BNC2: variants seen among roughly 807,000 people sequenced by gnomAD.
BNC2 encodes the protein basonuclin zinc finger protein 2.
A neutral mutation model predicts 76.3 loss-of-function variants in BNC2; 20 were observed. The ratio of observed to expected loss-of-function variants is 0.26; its 90% CI spans 0.18 to 0.38. The LOEUF is 0.38. Among genes scored for constraint, BNC2 ranks in the 10% least tolerant of loss-of-function variants. The probability of loss-of-function intolerance (pLI) is 1.00; values close to 1 mark genes in which losing one functional copy is unlikely to be tolerated. For synonymous variants in BNC2, 582 were observed against 514.8 expected (o/e 1.13, Z -1.77); for missense variants, 1,382 against 1,399.8 (o/e 0.99, Z 0.20).
chr9:16,589,084 G>C (rs1487873699), intron 3 of BNC2, among the ~76,000 whole-genome samples: 1 of 152,040 alleles, frequency 6.6e-6, no homozygotes, highest in African/African-American at 2.4e-5. Context: ...TCTGGGTTTT[G>C]GTGTTCCACA....
chr9:16,605,993 C>T (rs1398035848), intron 3 of BNC2, among the ~76,000 whole-genome samples: 1 of 152,022 alleles, frequency 6.6e-6, no homozygotes, highest in Non-Finnish European at 1.5e-5. Flanking sequence ...ACCCACTCAC[C>T]TTGGCCTCCC....
At chr9:16,741,957 C>CAAAAAAAAAAA (rs35573018) in intron 1 of BNC2, among the ~76,000 whole-genome samples, 3 of 79,400 alleles carry the variant, frequency 3.8e-5, no homozygotes, top group Non-Finnish European at 4.5e-5. Context: ...GGCTCCATCT[C>CAAAAAAAAAAA]AAAAAAAAAA....
chr9:16,868,910 C>A (rs893246037), intron 1 of BNC2, among the ~76,000 whole-genome samples: 4 of 152,146 alleles, frequency 2.6e-5, no homozygotes, highest in Non-Finnish European at 4.4e-5. Flanking sequence ...GAAATAAATT[C>A]CTCCCATTTA....
rs186833943 is a variant in BNC2, at chr9:16,475,720, G to T, written c.670-38196C>A. Among the ~76,000 whole-genome samples the T allele has an allele frequency of 1.4e-4, 22 of 152,192 alleles. No individual in the cohort carries two copies. The East Asian group carries it at 4.2e-3, about 29-fold the overall frequency. ...CAGATTGCAGGTTGGGAATACTTTT[G>T]CCTGCAACAGAGTATGCTACAGAAG... On this transcript the variant is annotated intron_variant, in intron 5 of 6. Transcript: ENST00000380672.
intron 3 of BNC2, among the ~76,000 whole-genome samples, chr9:16,659,159 T>A (rs1047421121): frequency 6.6e-6 from 1 of 150,576 alleles, no homozygotes; most frequent in African/African-American, 2.4e-5. Flanking sequence ...GGGGGGGGCA[T>A]GTGAATGCAC....
intron 5 of BNC2, among the ~76,000 whole-genome samples, chr9:16,548,701 G>A (rs546240502): frequency 4.6e-5 from 7 of 152,228 alleles, no homozygotes; most frequent in Admixed American, 1.3e-4. Context: ...CACCACGCCT[G>A]GCCAGAATTA....
At chr9:16,464,124 A>AAAT (rs1008836397) in intron 5 of BNC2, among the ~76,000 whole-genome samples, 2 of 151,762 alleles carry the variant, frequency 1.3e-5, no homozygotes, top group Non-Finnish European at 2.9e-5. Context: ...GAAAGAAGAC[A>AAAT]AATATAAATG....
At chr9:16,425,474 G>A (rs1450257002) in intron 6 of BNC2, among the ~76,000 whole-genome samples, 1 of 152,154 alleles carries the variant, frequency 6.6e-6, no homozygotes, top group Non-Finnish European at 1.5e-5. Flanking sequence ...GTCAACAAGG[G>A]GCGATTCTCC....
chr9:16,834,079 C>G (rs1226817613), intron 1 of BNC2, among the ~76,000 whole-genome samples: 1 of 152,038 alleles, frequency 6.6e-6, no homozygotes, highest in Non-Finnish European at 1.5e-5. Context: ...CTTCTCTGAC[C>G]CCACAAACTC....
chr9:16,716,286 A>G (rs1018338017), intron 3 of BNC2, among the ~76,000 whole-genome samples: 1 of 152,216 alleles, frequency 6.6e-6, no homozygotes, highest in Non-Finnish European at 1.5e-5. Flanking sequence ...GCAAATATTC[A>G]TCTTTACTGA....
chr9:16,683,306 G>C (rs1822879658), intron 3 of BNC2, among the ~76,000 whole-genome samples: 1 of 152,228 alleles, frequency 6.6e-6, no homozygotes, highest in Non-Finnish European at 1.5e-5. Flanking sequence ...CCAGTCATGA[G>C]AACTTACGTC....
At chr9:16,816,525 TA>T (rs573243937) in intron 1 of BNC2, among the ~76,000 whole-genome samples, 110 of 152,270 alleles carry the variant, frequency 7.2e-4, no homozygotes, top group African/African-American at 2.3e-3. Context: ...ATAAAAAAGA[TA>T]TACAAAGTAT....
intron 3 of BNC2, among the ~76,000 whole-genome samples, chr9:16,617,065 C>A (rs1020183310): frequency 1.3e-5 from 2 of 152,152 alleles, no homozygotes; most frequent in African/African-American, 4.8e-5. Context: ...TGTTGGCAAT[C>A]TGGAGTAACT....
chr9:16,495,239 G>C (rs1822363111), intron 5 of BNC2, among the ~76,000 whole-genome samples: 1 of 152,132 alleles, frequency 6.6e-6, no homozygotes, highest in Non-Finnish European at 1.5e-5. Flanking sequence ...TGGCTTTCTT[G>C]GCCTAACATG....
intron 6 of BNC2, among the ~76,000 whole-genome samples, chr9:16,422,111 G>C (rs1055127044): frequency 6.6e-6 from 1 of 152,196 alleles, no homozygotes; most frequent in African/African-American, 2.4e-5. Flanking sequence ...AAGATGACTT[G>C]TGAAATTACA....
chr9:16,645,612 C>A (rs562629308), intron 3 of BNC2, among the ~76,000 whole-genome samples: 4 of 152,104 alleles, frequency 2.6e-5, no homozygotes, highest in African/African-American at 9.6e-5. Flanking sequence ...CATCCTTGTC[C>A]CATCACAGCA....
intron 3 of BNC2, among the ~76,000 whole-genome samples, chr9:16,656,459 G>C (rs1821933427): frequency 1.3e-5 from 2 of 152,104 alleles, no homozygotes; most frequent in Admixed American, 6.5e-5. Context: ...TGTTGAAAGT[G>C]GAGTCTGAAG....
chr9:16,663,628 C>T (rs1185227823), intron 3 of BNC2, among the ~76,000 whole-genome samples: 3 of 152,106 alleles, frequency 2.0e-5, no homozygotes, highest in African/African-American at 7.2e-5. Context: ...TAACTGCATT[C>T]CGGTGACTTT....
intron 1 of BNC2, among the ~76,000 whole-genome samples, chr9:16,847,085 G>A (rs1818999761): frequency 6.6e-6 from 1 of 152,154 alleles, no homozygotes; most frequent in South Asian, 2.1e-4. Context: ...GATCTCTGTA[G>A]CAGGTCCTCA....
Sources: allele counts gnomAD v4.1 joint callset (sites outside exome capture counted in the v4.1 genomes callset), GRCh38; gene constraint gnomAD v4.1.1; transcripts MANE v1.5; gene names NCBI Gene and HGNC (gene_info 2026-07-23, HGNC 2026-07-21).